Variants in MYO9B observed in about 807,000 individuals in gnomAD.
The protein encoded by MYO9B is myosin IXB.
In MYO9B, 71 loss-of-function variants were observed where a neutral mutation model predicts 229.5. The observed-to-expected ratio is 0.31, with a 90% confidence interval of 0.26 to 0.38. The LOEUF (loss-of-function observed/expected upper bound fraction) is 0.38. Among genes scored for constraint, MYO9B ranks in the 10% least tolerant of loss-of-function variants. MYO9B has a pLI of 1.00. For synonymous variants in MYO9B, 1,185 were observed against 1,235.8 expected (o/e 0.96, Z 0.86); for missense variants, 2,255 against 2,920.5 (o/e 0.77, Z 5.25).
chr19:17,107,525 C>A (rs2057804028), intron 2 of MYO9B, among the ~76,000 whole-genome samples: 1 of 152,188 alleles, frequency 6.6e-6, no homozygotes, highest in African/African-American at 2.4e-5. Context: ...GTGTTAGGGG[C>A]AAGGGAGTCT....
At chr19:17,209,558 C>A in intron 35 of MYO9B, 28 bp from the exon 36 acceptor site, 2 of 1,565,438 alleles carry the variant, frequency 1.3e-6, no homozygotes, top group South Asian at 2.4e-5. Context: ...GTAACTGAGT[C>A]ACTTCCTCCC....
intron 1 of MYO9B, among the ~76,000 whole-genome samples, chr19:17,095,146 G>A (rs1325459092): frequency 6.6e-6 from 1 of 152,172 alleles, no homozygotes; most frequent in African/African-American, 2.4e-5. Flanking sequence ...GGGAGGCTGA[G>A]GCAGGAGAAT....
intron 19 of MYO9B, among the ~76,000 whole-genome samples, chr19:17,190,752 A>G (rs142342461): frequency 0.069 from 10,494 of 151,194 alleles, 675 homozygotes; most frequent in African/African-American, 0.17. Flanking sequence ...TCCGCCTCCC[A>G]GGTTCAAGTG....
At chr19:17,157,180 A>G (rs1258681102) in intron 7 of MYO9B, 142 bp downstream of exon 7, 14 of 1,040,708 alleles carry the variant, frequency 1.3e-5, no homozygotes, top group Middle Eastern at 3.2e-4. Context: ...TATCATCTCT[A>G]CAGTGTTCCT....
intron 21 of MYO9B, among the ~76,000 whole-genome samples, 184 bp from the exon 22 acceptor site, chr19:17,194,372 G>T (rs2073017859): frequency 6.6e-6 from 1 of 152,204 alleles, no homozygotes; most frequent in African/African-American, 2.4e-5. Context: ...CACTGAGGGG[G>T]CACCACCCTC....
intron 34 of MYO9B, 39 bp downstream of exon 34, chr19:17,206,823 C>A: frequency 6.7e-7 from 1 of 1,496,132 alleles, no homozygotes; most frequent in South Asian, 1.2e-5. Flanking sequence ...GGGTTAGGGT[C>A]GCATTGGGAA....
chr19:17,140,880 A>G (rs2072331025), intron 2 of MYO9B, among the ~76,000 whole-genome samples: 1 of 151,244 alleles, frequency 6.6e-6, no homozygotes. Flanking sequence ...AGGCAAGGAG[A>G]TCACTTGGGG....
Position 17,169,009 on chromosome 19 carries a change from T to C in MYO9B, c.1793+945T>C, listed in dbSNP as rs116156363. On this transcript the variant is annotated intron_variant, in intron 11 of 39. Transcript: ENST00000682292. ...CCGAACTACTTTCCTGTGGCTCCTC[T>C]AAGGAACCGCTACAAGCCAGGTGGG... Among the ~76,000 whole-genome samples, 505 of 152,116 alleles carry C rather than the reference T, an allele frequency of 3.3e-3. 2 individuals carry two copies. Among genetic ancestry groups the C allele is most frequent in the African/African-American group, 0.011 (475 of 41,518 alleles).
chr19:17,108,260 C>T (rs1195604474), intron 2 of MYO9B, among the ~76,000 whole-genome samples: 2 of 152,336 alleles, frequency 1.3e-5, no homozygotes, highest in African/African-American at 4.8e-5. Context: ...GTGGTGCCCA[C>T]GCCGGCTTCC....
intron 1 of MYO9B, among the ~76,000 whole-genome samples, chr19:17,090,300 C>T (rs1286767808): frequency 1.3e-5 from 2 of 152,002 alleles, no homozygotes; most frequent in Admixed American, 6.6e-5. Context: ...CACACCACCA[C>T]ACCTGGCTAA....
chr19:17,093,709 T>G, intron 1 of MYO9B, among the ~76,000 whole-genome samples: 1 of 145,052 alleles, frequency 6.9e-6, no homozygotes, highest in South Asian at 2.3e-4. Flanking sequence ...GGGGGGTGGT[T>G]TGAGATAGGT....
intron 3 of MYO9B, among the ~76,000 whole-genome samples, chr19:17,149,336 C>T (rs2145255037): frequency 6.6e-6 from 1 of 152,200 alleles, no homozygotes; most frequent in South Asian, 2.1e-4. Flanking sequence ...TTCCAGGGCC[C>T]ACCATTGGAC....
rs1460944613 is a variant in MYO9B at position 17,211,947 on chromosome 19, C to G, written c.6111C>G (p.Leu2037=). The change falls in exon 40 of 40, where the codon CTC becomes CTG. Residue 2037 remains leucine (L), a synonymous_variant. Transcript: ENST00000682292. ...PCPGAPTPSP[L]PTVAAPPRRR... ...CCGGCGCGCCCACCCCGAGCCCCCT[C>G]CCCACCGTGGCCGCCCCTCCACGAC... 1 of 1,557,820 alleles carries G rather than the reference C, an allele frequency of 6.4e-7. No homozygotes were observed. The highest frequency in any genetic ancestry group is 1.9e-5 in the Admixed American group (1 of 53,596).
chr19:17,189,256 G>C (rs2072954113), intron 19 of MYO9B, among the ~76,000 whole-genome samples: 1 of 152,076 alleles, frequency 6.6e-6, no homozygotes, highest in African/African-American at 2.4e-5. Context: ...AACCCAAGTA[G>C]TTTGAGGCTA....
In MYO9B at chr19:17,211,973, G is replaced by A. The variant is rs780154861; in HGVS notation, c.6137G>A (p.Arg2046Gln). 15 of 1,242,306 alleles carry A rather than the reference G, an allele frequency of 1.2e-5. No homozygotes were observed. The highest frequency in any genetic ancestry group is 6.1e-5 in the South Asian group (5 of 82,342). 77.0% of individuals were successfully genotyped at this position (1,242,306 alleles called of 1,614,324 possible). A position where few individuals can be genotyped will look rare whatever the true frequency, so the allele number is the denominator to read the frequency against. The change falls in exon 40 of 40, where the codon CGA becomes CAA. Residue 2046 changes from arginine to glutamine, a missense_variant. Transcript: ENST00000682292. ...CCCACCGTGGCCGCCCCTCCACGAC[G>A]AAGGCCGTCGTCCTTCGTAACGGTC... Reference protein sequence around the residue: ...PLPTVAAPPRRRPSSFVTVRV... With the variant: ...PLPTVAAPPRQRPSSFVTVRV...
At chr19:17,078,471 C>T (rs978957628) in intron 1 of MYO9B, among the ~76,000 whole-genome samples, 13 of 152,040 alleles carry the variant, frequency 8.6e-5, no homozygotes, top group South Asian at 2.1e-4. Flanking sequence ...ACCCAGGAGG[C>T]GGAGTTTGCA....
intron 6 of MYO9B, among the ~76,000 whole-genome samples, chr19:17,156,100 C>T (rs2072534308): frequency 6.6e-6 from 1 of 151,748 alleles, no homozygotes; most frequent in South Asian, 2.1e-4. Flanking sequence ...TGGCCAGACA[C>T]AAGTACCATC....
chr19:17,200,891 C>T, intron 26 of MYO9B, 62 bp downstream of exon 26: 1 of 1,551,750 alleles, frequency 6.4e-7, no homozygotes, highest in Admixed American at 1.7e-5. Context: ...CCATCACAGC[C>T]AGGCATTGTT....
intron 13 of MYO9B, among the ~76,000 whole-genome samples, chr19:17,174,764 C>T (rs921029533): frequency 6.6e-6 from 1 of 151,496 alleles, no homozygotes; most frequent in African/African-American, 2.4e-5. Flanking sequence ...GAAACCCCGT[C>T]TCTAGTAAAA....
Sources: allele counts gnomAD v4.1 joint callset (sites outside exome capture counted in the v4.1 genomes callset), GRCh38; gene constraint gnomAD v4.1.1; transcripts MANE v1.5; gene names NCBI Gene and HGNC (gene_info 2026-07-23, HGNC 2026-07-21).